STXBP4: variants seen among roughly 807,000 people sequenced by gnomAD.
The protein encoded by STXBP4 is syntaxin binding protein 4.
STXBP4 carries 55 observed loss-of-function variants against 76.1 expected under a neutral mutation model. The ratio of observed to expected loss-of-function variants is 0.72; its 90% CI spans 0.58 to 0.91. The LOEUF is 0.91. Among genes scored for constraint, STXBP4 ranks in the 40% least tolerant of loss-of-function variants. STXBP4 has a pLI of 0.00. For missense variants in STXBP4, 618 were observed against 636.9 expected, an observed-to-expected ratio of 0.97 and a Z score of 0.32; for synonymous variants, 201 against 220.2, an observed-to-expected ratio of 0.91 and a Z score of 0.77.
Position 55,007,580 on chromosome 17 carries a change from G to T in STXBP4, c.649G>T (p.Ala217Ser), listed in dbSNP as rs1437737327. 6.2e-7 allele frequency: 1 copy of T among 1,600,558 alleles called. No homozygotes were observed. The highest frequency in any genetic ancestry group is 1.1e-5 in the South Asian group (1 of 87,620). ...CCTAAATCCCTCTGTTCGCTTTAAGGCAGAGAAACTGGAAATGGTAAAACC... is the reference window on the plus strand; with the variant it reads ...CCTAAATCCCTCTGTTCGCTTTAAGTCAGAGAAACTGGAAATGGTAAAACC... ...ISLNPSVRFKAEKLEMALNYL... is the reference protein window; with the variant it reads ...ISLNPSVRFKSEKLEMALNYL... The change falls in exon 8 of 18, where the codon GCA (alanine) becomes TCA (serine). Residue 217 changes from alanine to serine, a missense_variant. By Grantham distance (99) the Ala-to-Ser change is moderately conservative. Coordinates refer to ENST00000376352, the MANE Select transcript of STXBP4 (RefSeq NM_178509.6).
At chr17:55,102,705 G>A (rs1165004304) in intron 16 of STXBP4, among the ~76,000 whole-genome samples, 4 of 152,182 alleles carry the variant, frequency 2.6e-5, no homozygotes. Flanking sequence ...TAGGCACACT[G>A]TCTTCCACAA....
the STXBP4 span, among the ~76,000 whole-genome samples, chr17:55,180,910 T>C: frequency 6.6e-6 from 1 of 152,234 alleles, no homozygotes; most frequent in Non-Finnish European, 1.5e-5. Flanking sequence ...TCAAAATTCC[T>C]TTTAGATTCC....
rs951380996 is a variant in STXBP4, at chr17:55,168,766, A to G, written c.*8855A>G. 1 of 152,176 alleles carries G rather than the reference A, an allele frequency of 6.6e-6. No homozygotes were observed. Among genetic ancestry groups the G allele is most frequent in the Non-Finnish European group, 1.5e-5 (1 of 68,030 alleles). 9.4% of individuals were successfully genotyped at this position (152,176 alleles called of 1,614,324 possible). On this transcript the variant is annotated 3_prime_UTR_variant, in exon 18 of 18. Transcript: ENST00000376352. ...AACACCCTCTCTGCCATCAGGATAA[A>G]TAACATTTCTTAAAGGAATATTCTA... is the stretch of plus-strand genomic sequence containing the variant.
intron 17 of STXBP4, among the ~76,000 whole-genome samples, chr17:55,158,028 T>A (rs1384557554): frequency 6.6e-6 from 1 of 152,196 alleles, no homozygotes; most frequent in Non-Finnish European, 1.5e-5. Context: ...GTCAAACTTA[T>A]TTGACTGTAG....
intron 10 of STXBP4, among the ~76,000 whole-genome samples, chr17:55,035,645 A>G (rs2078588072): frequency 1.3e-5 from 2 of 151,932 alleles, no homozygotes; most frequent in African/African-American, 4.8e-5. Flanking sequence ...GTACATAATT[A>G]ATAAAATTAG....
intron 8 of STXBP4, among the ~76,000 whole-genome samples, chr17:55,015,217 A>T (rs945675635): frequency 6.6e-5 from 10 of 152,160 alleles, no homozygotes; most frequent in African/African-American, 2.4e-4. Context: ...TGAATAATTC[A>T]TAGGCTTCTT....
At position 55,111,479 on chromosome 17, in the gene STXBP4, C is replaced by T. The variant is rs1325452497; in HGVS notation, c.1490-29831C>T. On this transcript the variant is annotated intron_variant, in intron 16 of 17. Coordinates refer to ENST00000376352, the MANE Select transcript of STXBP4 (RefSeq NM_178509.6). ...GTAATCCCCAATGTTGGAGGTGGGG[C>T]CTGGTGGGAGGTGATTGGATCATGA... 3.9e-5 allele frequency among the ~76,000 whole-genome samples: 6 copies of T among 152,104 alleles called. No individual in the cohort carries two copies. In the East Asian group the frequency reaches 1.2e-3, roughly 29 times the overall value.
chr17:55,196,039 T>C, the STXBP4 span, among the ~76,000 whole-genome samples: 2,874 of 152,250 alleles, frequency 0.019, 95 homozygotes, highest in African/African-American at 0.065. Context: ...AGGTGTTTGA[T>C]AAATGTTTGT....
intron 15 of STXBP4, 76 bp downstream of exon 15, chr17:55,078,811 C>A: frequency 1.2e-6 from 1 of 839,142 alleles, no homozygotes; most frequent in Non-Finnish European, 2.0e-6. Flanking sequence ...GACTCAAATA[C>A]TAAAAATCTC....
chr17:55,009,890 G>A (rs1393349118), intron 8 of STXBP4, among the ~76,000 whole-genome samples: 1 of 151,852 alleles, frequency 6.6e-6, no homozygotes, highest in African/African-American at 2.4e-5. Flanking sequence ...TGCACATACT[G>A]ATATTAATGT....
At chr17:55,068,406 C>G (rs1367177380) in intron 12 of STXBP4, among the ~76,000 whole-genome samples, 1 of 152,102 alleles carries the variant, frequency 6.6e-6, no homozygotes, top group Non-Finnish European at 1.5e-5. Context: ...AATGTGTTAG[C>G]CTAATTACAG....
At chr17:55,023,049 T>G (rs955042831) in intron 8 of STXBP4, among the ~76,000 whole-genome samples, 3 of 152,150 alleles carry the variant, frequency 2.0e-5, no homozygotes, top group Non-Finnish European at 4.4e-5. Flanking sequence ...TAGTAACAAC[T>G]AAATGGCATA....
At chr17:55,204,139 T>G in the STXBP4 span, among the ~76,000 whole-genome samples, 7 of 152,026 alleles carry the variant, frequency 4.6e-5, no homozygotes, top group African/African-American at 1.4e-4. Flanking sequence ...GCTATTCTCT[T>G]GCTGTATTAT....
At chr17:55,125,444 C>A (rs1183271705) in intron 16 of STXBP4, among the ~76,000 whole-genome samples, 1 of 126,126 alleles carries the variant, frequency 7.9e-6, no homozygotes, top group Non-Finnish European at 1.6e-5. Flanking sequence ...GACTAACCAT[C>A]CTGCAGAAAC....
At chr17:55,039,224 G>A (rs1239593379) in intron 10 of STXBP4, among the ~76,000 whole-genome samples, 1 of 152,106 alleles carries the variant, frequency 6.6e-6, no homozygotes, top group Non-Finnish European at 1.5e-5. Context: ...ATAACAGTTG[G>A]CATTTGAGTA....
intron 10 of STXBP4, among the ~76,000 whole-genome samples, chr17:55,035,770 C>A (rs2078590718): frequency 6.6e-6 from 1 of 151,820 alleles, no homozygotes; most frequent in Admixed American, 6.6e-5. Context: ...TATGAAATTA[C>A]CATATTTACC....
At chr17:55,154,130 G>A (rs1053387352) in intron 17 of STXBP4, among the ~76,000 whole-genome samples, 1 of 152,078 alleles carries the variant, frequency 6.6e-6, no homozygotes, top group Non-Finnish European at 1.5e-5. Context: ...TGAGACCCAG[G>A]CTCCTCCCAT....
the STXBP4 span, among the ~76,000 whole-genome samples, chr17:55,179,988 T>C: frequency 6.6e-6 from 1 of 152,120 alleles, no homozygotes; most frequent in African/African-American, 2.4e-5. Context: ...CAAACCGATA[T>C]CTCATTTACT....
chr17:55,183,002 G>A, the STXBP4 span, among the ~76,000 whole-genome samples: 1 of 152,014 alleles, frequency 6.6e-6, no homozygotes, highest in African/African-American at 2.4e-5. Context: ...TCAAATAAAA[G>A]AATAAATATG....
Sources: gnomAD v4.1 joint callset for allele counts (sites outside exome capture counted in the v4.1 genomes callset) on GRCh38, gnomAD v4.1.1 for gene constraint, MANE v1.5 for transcripts, NCBI Gene and HGNC (gene_info 2026-07-23, HGNC 2026-07-21) for gene names.